The following ATP6V1A variants were observed in gnomAD, a reference collection of about 807,000 sequenced individuals.
The protein encoded by ATP6V1A is V-type proton ATPase catalytic subunit A.
In ATP6V1A, 18 loss-of-function variants were observed where a neutral mutation model predicts 70.1. The ratio of observed to expected loss-of-function variants is 0.26; its 90% CI spans 0.18 to 0.38. The LOEUF (loss-of-function observed/expected upper bound fraction) is 0.38. ATP6V1A is among the 10% of genes least tolerant of loss of function. The probability of loss-of-function intolerance (pLI) is 1.00; values close to 1 mark genes in which losing one functional copy is unlikely to be tolerated. For synonymous variants in ATP6V1A, 232 were observed against 253.8 expected (o/e 0.91, Z 0.82); for missense variants, 424 against 772.4 (o/e 0.55, Z 5.35).
intron 3 of ATP6V1A, among the ~76,000 whole-genome samples, chr3:113,782,552 A>ATG (rs1559755540): frequency 1.4e-5 from 2 of 146,974 alleles, no homozygotes; most frequent in African/African-American, 5.0e-5. Flanking sequence ...CTATATATAT[A>ATG]TATACATGTG....
At chr3:113,798,686 T>C (rs1162092172) in intron 12 of ATP6V1A, among the ~76,000 whole-genome samples, 4 of 152,198 alleles carry the variant, frequency 2.6e-5, no homozygotes, top group African/African-American at 9.6e-5. Context: ...ACCAACCAAA[T>C]TAGAGGTAGT....
chr3:113,772,933 CTTTTTTTT>C (rs762901487), intron 1 of ATP6V1A, among the ~76,000 whole-genome samples: 1,156 of 90,452 alleles, frequency 0.013, 21 homozygotes, highest in African/African-American at 0.048. Flanking sequence ...TTAATATTGG[CTTTTTTTT>C]TTTTTTTTTT....
intron 11 of ATP6V1A, among the ~76,000 whole-genome samples, chr3:113,797,372 C>T (rs557525855): frequency 6.6e-6 from 1 of 152,190 alleles, no homozygotes; most frequent in East Asian, 1.9e-4. Context: ...TCCTCCTCAG[C>T]CTCCCAAGTA....
intron 2 of ATP6V1A, among the ~76,000 whole-genome samples, chr3:113,780,402 C>A (rs1157858537): frequency 6.6e-6 from 1 of 152,146 alleles, no homozygotes; most frequent in Non-Finnish European, 1.5e-5. Context: ...ATAGTAAGTT[C>A]AGTAAATGGA....
At chr3:113,780,966 G>A (rs1397967819) in intron 2 of ATP6V1A, 84 bp from the exon 3 acceptor site, 1 of 1,492,704 alleles carries the variant, frequency 6.7e-7, no homozygotes, top group Admixed American at 2.4e-5. Context: ...ACAATACTGG[G>A]TTTATTGGGT....
At chr3:113,776,774 C>T (rs1708917632) in intron 1 of ATP6V1A, among the ~76,000 whole-genome samples, 1 of 152,208 alleles carries the variant, frequency 6.6e-6, no homozygotes, top group Non-Finnish European at 1.5e-5. Context: ...AGTCTTTACC[C>T]TTACATCCTT....
chr3:113,780,786 A>G (rs781715835), intron 2 of ATP6V1A: 36 of 1,321,840 alleles, frequency 2.7e-5, no homozygotes, highest in Non-Finnish European at 1.7e-5. Context: ...CCTACCAGGT[A>G]AGTTTGCCAT....
intron 1 of ATP6V1A, among the ~76,000 whole-genome samples, chr3:113,777,732 G>A (rs1433242180): frequency 6.6e-6 from 1 of 152,126 alleles, no homozygotes; most frequent in Non-Finnish European, 1.5e-5. Flanking sequence ...CTGCCAAATC[G>A]ACGGAGACAG....
intron 1 of ATP6V1A, among the ~76,000 whole-genome samples, chr3:113,769,906 A>G (rs1160500084): frequency 6.6e-6 from 1 of 152,174 alleles, no homozygotes; most frequent in African/African-American, 2.4e-5. Context: ...TTTATCCTTA[A>G]ACACAGTTGA....
chr3:113,789,631 C>T (rs1709071033), intron 7 of ATP6V1A, 101 bp from the exon 8 acceptor site: 1 of 738,452 alleles, frequency 1.4e-6, no homozygotes, highest in Non-Finnish European at 2.2e-6. Context: ...TTGTAAGAGG[C>T]ATTAAATATG....
intron 1 of ATP6V1A, among the ~76,000 whole-genome samples, chr3:113,758,573 A>G (rs574867466): frequency 1.3e-5 from 2 of 152,166 alleles, no homozygotes; most frequent in South Asian, 2.1e-4. Context: ...TTGTTTATCC[A>G]TTCACCCATT....
intron 7 of ATP6V1A, 110 bp downstream of exon 7, chr3:113,788,985 G>A: frequency 3.3e-6 from 3 of 921,536 alleles, no homozygotes; most frequent in Non-Finnish European, 4.9e-6. Flanking sequence ...CATTCGTCAA[G>A]GATCTTTAAG....
intron 8 of ATP6V1A, among the ~76,000 whole-genome samples, chr3:113,794,021 G>T (rs562132449): frequency 6.6e-6 from 1 of 151,936 alleles, no homozygotes; most frequent in South Asian, 2.1e-4. Context: ...TTTTTAATAG[G>T]TTAGGAAGCC....
At chr3:113,775,564 G>A (rs1225628582) in intron 1 of ATP6V1A, among the ~76,000 whole-genome samples, 3 of 132,376 alleles carry the variant, frequency 2.3e-5, no homozygotes, top group Non-Finnish European at 5.0e-5. Flanking sequence ...TAATGCAATC[G>A]CAAGTCTGGT....
At chr3:113,774,429 A>C (rs1431952697) in intron 1 of ATP6V1A, among the ~76,000 whole-genome samples, 1 of 152,236 alleles carries the variant, frequency 6.6e-6, no homozygotes. Flanking sequence ...TACAGATGAA[A>C]CTGAGGCTCA....
intron 12 of ATP6V1A, among the ~76,000 whole-genome samples, chr3:113,799,324 A>G (rs1709185193): frequency 6.6e-6 from 1 of 152,242 alleles, no homozygotes; most frequent in African/African-American, 2.4e-5. Flanking sequence ...ATGTAATAAT[A>G]CAATGGAAAA....
rs939936995 is a variant in ATP6V1A at position 113,749,499 on chromosome 3, A to G, written c.-14+2386A>G. ...GAGTTCTTGTTTTCAGTGCCTTTAT[A>G]GATTTTTGCCACCACTAAGAATGCT... On this transcript the variant is annotated intron_variant, in intron 1 of 14. Coordinates refer to ENST00000273398, the MANE Select transcript of ATP6V1A (RefSeq NM_001690.4). 2.0e-5 allele frequency among the ~76,000 whole-genome samples: 3 copies of G among 152,130 alleles called. No individual in the cohort carries two copies. The South Asian group carries it at 6.2e-4, about 31-fold the overall frequency.
rs561603700 is a variant in ATP6V1A at position 113,795,858 on chromosome 3, TA to T, written c.1227-17del. The stretch of plus-strand genomic sequence containing the variant: ...ATGACCATTTTTTTTGTAATGACCA[TA>T]TTTTTTTTAAATTTAGAGTTTCTCC... On this transcript the variant is annotated splice_polypyrimidine_tract_variant and intron_variant, in intron 10 of 14. Coordinates refer to ENST00000273398, the MANE Select transcript of ATP6V1A (RefSeq NM_001690.4). The T allele has an allele frequency of 7.3e-5, 116 of 1,596,064 alleles. No individual in the cohort carries two copies. In the East Asian group the frequency reaches 2.1e-3, roughly 29 times the overall value.
Position 113,792,291 on chromosome 3 carries a change from A to T in ATP6V1A, c.988+2451A>T, listed in dbSNP as rs530130062. Among the ~76,000 whole-genome samples, 4 of 151,902 alleles carry T rather than the reference A, an allele frequency of 2.6e-5. No individual in the cohort carries two copies. The East Asian group carries it at 7.7e-4, about 29-fold the overall frequency. On this transcript the variant is annotated intron_variant, in intron 8 of 14. Transcript: ENST00000273398. ...GCAGCACTAAAACATCCTTAAACAT[A>T]TATTTTTACACTATTCTTTGTATGT...
Sources: gnomAD v4.1 joint callset for allele counts (sites outside exome capture counted in the v4.1 genomes callset) on GRCh38, gnomAD v4.1.1 for gene constraint, MANE v1.5 for transcripts, NCBI Gene and HGNC (gene_info 2026-07-23, HGNC 2026-07-21) for gene names.